Variants in PPM1L observed in about 807,000 individuals in gnomAD.
PPM1L encodes protein phosphatase, Mg2+/Mn2+ dependent 1L.
In PPM1L, 13 loss-of-function variants were observed where a neutral mutation model predicts 31.4. The observed-to-expected ratio is 0.41, with a 90% CI of 0.27 to 0.66. The LOEUF is 0.66. Ranked by LOEUF, PPM1L falls within the 30% of genes least tolerant of loss-of-function variation. PPM1L has a pLI of 0.29. For missense variants in PPM1L, 326 were observed against 453.7 expected, an observed-to-expected ratio of 0.72 and a Z score of 2.56; for synonymous variants, 184 against 175.4, an observed-to-expected ratio of 1.05 and a Z score of -0.39.
chr3:161,043,890 C>G (rs1263167114), intron 2 of PPM1L, among the ~76,000 whole-genome samples: 1 of 152,046 alleles, frequency 6.6e-6, no homozygotes, highest in Admixed American at 6.6e-5. Flanking sequence ...CTCACTTTAC[C>G]CCTTGGGCTT....
intron 2 of PPM1L, among the ~76,000 whole-genome samples, chr3:161,006,260 CA>C (rs899982537): frequency 6.6e-6 from 1 of 152,064 alleles, no homozygotes; most frequent in African/African-American, 2.4e-5. Flanking sequence ...ATAAAAAAGA[CA>C]AATACTGTAT....
chr3:160,906,162 G>A (rs537062007), intron 1 of PPM1L, among the ~76,000 whole-genome samples: 2 of 152,066 alleles, frequency 1.3e-5, no homozygotes, highest in Non-Finnish European at 2.9e-5. Flanking sequence ...TCTACAAATT[G>A]TATTTCTATA....
chr3:160,770,250 T>C (rs987324361), intron 1 of PPM1L, among the ~76,000 whole-genome samples: 15 of 152,226 alleles, frequency 9.9e-5, no homozygotes, highest in African/African-American at 3.4e-4. Context: ...TGTTTTTGTT[T>C]TCTGCCTCAT....
chr3:161,016,582 A>T (rs1385778825), intron 2 of PPM1L, among the ~76,000 whole-genome samples: 1 of 152,224 alleles, frequency 6.6e-6, no homozygotes, highest in Non-Finnish European at 1.5e-5. Flanking sequence ...GCAGTTCTAA[A>T]TGCGGCTTAT....
At chr3:160,886,145 G>A (rs1192137500) in intron 1 of PPM1L, among the ~76,000 whole-genome samples, 3 of 152,178 alleles carry the variant, frequency 2.0e-5, no homozygotes, top group Admixed American at 6.5e-5. Flanking sequence ...CTTACTGGGC[G>A]GGGCTCCCTG....
At chr3:160,901,483 C>T (rs1200473165) in intron 1 of PPM1L, among the ~76,000 whole-genome samples, 2 of 152,104 alleles carry the variant, frequency 1.3e-5, no homozygotes, top group African/African-American at 4.8e-5. Flanking sequence ...CCCTAAAATT[C>T]TCCTCCTCAC....
intron 1 of PPM1L, among the ~76,000 whole-genome samples, chr3:160,802,524 G>T (rs925379899): frequency 6.6e-6 from 1 of 152,192 alleles, no homozygotes; most frequent in Non-Finnish European, 1.5e-5. Context: ...TTTATTGAGC[G>T]CCGGGCTGGG....
At chr3:161,039,141 T>C (rs1718835944) in intron 2 of PPM1L, among the ~76,000 whole-genome samples, 1 of 152,206 alleles carries the variant, frequency 6.6e-6, no homozygotes, top group Admixed American at 6.5e-5. Flanking sequence ...CCAGCAGCCC[T>C]TGGGGCTGCT....
intron 2 of PPM1L, among the ~76,000 whole-genome samples, chr3:161,012,422 G>C (rs746577545): frequency 6.6e-6 from 1 of 152,136 alleles, no homozygotes; most frequent in Non-Finnish European, 1.5e-5. Context: ...CGGTTTGCTA[G>C]TATTTTATTG....
chr3:160,918,089 T>C (rs936533268), intron 1 of PPM1L, among the ~76,000 whole-genome samples: 1 of 152,228 alleles, frequency 6.6e-6, no homozygotes, highest in Non-Finnish European at 1.5e-5. Context: ...GATGGAATTT[T>C]CTCTGGGAAA....
At chr3:160,937,038 AC>A (rs2108083896) in intron 1 of PPM1L, among the ~76,000 whole-genome samples, 1 of 152,030 alleles carries the variant, frequency 6.6e-6, no homozygotes, top group East Asian at 1.9e-4. Context: ...ATGCTCAATA[AC>A]CGTCAGCACT....
intron 2 of PPM1L, among the ~76,000 whole-genome samples, chr3:161,018,316 C>G (rs1718142071): frequency 6.6e-6 from 1 of 152,038 alleles, no homozygotes; most frequent in Non-Finnish European, 1.5e-5. Context: ...TAAATTGGCC[C>G]TAAATAAGAA....
chr3:161,051,010 CCTT>C (rs1160335226), intron 2 of PPM1L, among the ~76,000 whole-genome samples: 2 of 152,154 alleles, frequency 1.3e-5, no homozygotes, highest in Non-Finnish European at 2.9e-5. Context: ...TTCTTTACCT[CCTT>C]CTTTGTGTCA....
chr3:160,907,406 T>A (rs1040326242), intron 1 of PPM1L, among the ~76,000 whole-genome samples: 1 of 152,234 alleles, frequency 6.6e-6, no homozygotes, highest in Non-Finnish European at 1.5e-5. Flanking sequence ...CATCCAAAAC[T>A]AAGAATAACT....
chr3:161,068,653 C>T (rs113327955), intron 3 of PPM1L, among the ~76,000 whole-genome samples, 158 bp from the exon 4 acceptor site: 99 of 152,236 alleles, frequency 6.5e-4, no homozygotes, highest in African/African-American at 2.3e-3. Flanking sequence ...GTATAAAACC[C>T]CAGGCCATGC....
chr3:160,861,370 A>C (rs951426404), intron 1 of PPM1L, among the ~76,000 whole-genome samples: 2 of 152,260 alleles, frequency 1.3e-5, no homozygotes, highest in Admixed American at 6.5e-5. Flanking sequence ...TCATTTAGAC[A>C]GGATGGATAA....
intron 2 of PPM1L, among the ~76,000 whole-genome samples, chr3:161,003,196 A>G (rs1443125703): frequency 6.6e-6 from 1 of 151,698 alleles, no homozygotes; most frequent in Non-Finnish European, 1.5e-5. Flanking sequence ...CCATTGATCT[A>G]TATGTCTGTT....
rs60011297 is a variant in PPM1L, at chr3:160,774,110, C to T, written c.399+17403C>T. Among the ~76,000 whole-genome samples the T allele has an allele frequency of 3.8e-4, 58 of 152,286 alleles. 1 individual carries two copies. The highest frequency in any genetic ancestry group is 1.3e-3 in the African/African-American group (55 of 41,554). On this transcript the variant is annotated intron_variant, in intron 1 of 3. Coordinates refer to ENST00000498165, the MANE Select transcript of PPM1L (RefSeq NM_139245.4). ...TTCTGGATGTCACATTGATAACAAC[C>T]TGCCTGAAACCAAATTTACCTCTTT...
At chr3:160,917,814 A>G (rs1359023935) in intron 1 of PPM1L, among the ~76,000 whole-genome samples, 1 of 152,244 alleles carries the variant, frequency 6.6e-6, no homozygotes, top group Admixed American at 6.5e-5. Context: ...TCCCTGTGTC[A>G]TAGGGTACAC....
Sources: gnomAD v4.1 joint callset for allele counts (sites outside exome capture counted in the v4.1 genomes callset) on GRCh38, gnomAD v4.1.1 for gene constraint, MANE v1.5 for transcripts, NCBI Gene and HGNC (gene_info 2026-07-23, HGNC 2026-07-21) for gene names.